Variants in SAMD11 observed in about 807,000 individuals in gnomAD.
SAMD11 encodes sterile alpha motif domain-containing protein 11.
In SAMD11, 77 loss-of-function variants were observed where a neutral mutation model predicts 64.4. That is an observed-to-expected ratio of 1.20 (90% CI 0.99 to 1.44). The LOEUF (loss-of-function observed/expected upper bound fraction) is 1.44, where lower values mean the gene tolerates loss of function less well. Ranked by LOEUF, SAMD11 falls within the 40% of genes most tolerant of loss-of-function variation. The pLI is 0.00. For missense variants in SAMD11, 1,402 were observed against 943.3 expected (o/e 1.49, Z -6.37); for synonymous variants, 658 against 421.9 (o/e 1.56, Z -6.86).
chr1:925,571 G>A (rs572756507), intron 1 of SAMD11, among the ~76,000 whole-genome samples: 3 of 152,256 alleles, frequency 2.0e-5, no homozygotes, highest in South Asian at 4.1e-4. Context: ...GCAGGCCGAG[G>A]GTCCCGACGG....
At chr1:938,454 G>A (rs1295966308) in intron 5 of SAMD11, among the ~76,000 whole-genome samples, 1 of 152,206 alleles carries the variant, frequency 6.6e-6, no homozygotes, top group Non-Finnish European at 1.5e-5. Context: ...GCTAGCTCAG[G>A]CAGGACTGGG....
chr1:944,154 G>C lies in SAMD11; in HGVS notation c.*1G>C. ...CGACCCTTCCCAGCCTCTGTGTTGA[G>C]GTTGCCGGGGGTAGGGGTGGGGCCA... On this transcript the variant is annotated 3_prime_UTR_variant, in exon 14 of 14. Transcript: ENST00000616016. The C allele has an allele frequency of 6.5e-7, 1 of 1,544,812 alleles. No individual in the cohort carries two copies. The highest frequency in any genetic ancestry group is 8.7e-7 in the Non-Finnish European group (1 of 1,144,310).
Position 943,953 on chromosome 1 carries a change from G to A in SAMD11, c.2335G>A (p.Val779Met), listed in dbSNP as rs996167495. Residue 779 changes from valine to methionine, a missense_variant, in exon 14 of 14, where the codon GTG becomes ATG. Coordinates refer to ENST00000616016, the MANE Select transcript of SAMD11 (RefSeq NM_001385641.1). ...GRVFYVASFPVALPLQPPTLR... is the reference protein window; with the variant it reads ...GRVFYVASFPMALPLQPPTLR... ...AGTTTTCTACGTGGCCAGCTTCCCC[G>A]TGGCTCTGCCACTGCAGCCACCAAC... 9.3e-6 allele frequency: 15 copies of A among 1,612,612 alleles called. No individual in the cohort carries two copies. Among genetic ancestry groups the A allele is most frequent in the Admixed American group, 5.0e-5 (3 of 60,000 alleles).
intron 8 of SAMD11, 27 bp from the exon 9 acceptor site, chr1:942,109 C>G (rs769637168): frequency 1.7e-5 from 12 of 721,246 alleles, no homozygotes; most frequent in African/African-American, 5.6e-5. Context: ...GCGGGGGGGA[C>G]GCCGCTCATT....
chr1:928,162 G>C (rs1368965158), intron 2 of SAMD11, among the ~76,000 whole-genome samples: 2 of 152,260 alleles, frequency 1.3e-5, no homozygotes, highest in Non-Finnish European at 2.9e-5. Flanking sequence ...GGGAGGCCGA[G>C]GCGGGCGGAT....
At chr1:943,185 C>T (rs548173587) in intron 11 of SAMD11, 68 bp from the exon 12 acceptor site, 803 of 1,605,622 alleles carry the variant, frequency 5.0e-4, no homozygotes, top group Non-Finnish European at 6.3e-4. Flanking sequence ...TTGGGGCACA[C>T]GACGGTCAGG....
At chr1:929,886 GGGATGCCCAACTGC>G (rs1641086655) in intron 2 of SAMD11, among the ~76,000 whole-genome samples, 1 of 152,304 alleles carries the variant, frequency 6.6e-6, no homozygotes, top group East Asian at 1.9e-4. Context: ...CGTCTGTAGG[GGGATGCCCAACTGC>G]GGCCCCGTCT....
At chr1:939,732 C>T (rs1054860346) in intron 7 of SAMD11, among the ~76,000 whole-genome samples, 2 of 152,176 alleles carry the variant, frequency 1.3e-5, no homozygotes, top group Non-Finnish European at 2.9e-5. Flanking sequence ...CAGCACCCCC[C>T]GAGGAGAGCA....
At position 936,351 on chromosome 1, in the gene SAMD11, C is replaced by T. The variant is rs550134676; in HGVS notation, c.967+455C>T. Among the ~76,000 whole-genome samples the T allele has an allele frequency of 3.2e-3, 440 of 136,702 alleles. 13 individuals are homozygous for T. The highest frequency in any genetic ancestry group is 0.013 in the African/African-American group (418 of 32,350). 89.7% of individuals were successfully genotyped at this position (136,702 alleles called of 152,430 possible). ...AGGGCTCCTGGACGGAAGGGGTCCCCGGTCCCGCCTCCTAGGGCTCCTGGA... is the reference window on the plus strand; with the variant it reads ...AGGGCTCCTGGACGGAAGGGGTCCCTGGTCCCGCCTCCTAGGGCTCCTGGA... On this transcript the variant is annotated intron_variant, in intron 5 of 13. Coordinates refer to ENST00000616016, the MANE Select transcript of SAMD11 (RefSeq NM_001385641.1).
In SAMD11 at chr1:930,292, C is replaced by T. The variant is rs1335979543; in HGVS notation, c.747C>T (p.Gly249=). Reference sequence around the variant, plus strand: ...GCCCCACCTGTGGGCGGCGGCCAGGCTTGAAGCAGGAGGATGGTCCGCACA... The same window carrying T: ...GCCCCACCTGTGGGCGGCGGCCAGGTTTGAAGCAGGAGGATGGTCCGCACA... The part of the protein sequence containing the change: ...GSGPTCGRRP[G]LKQEDGPHIR... The change falls in exon 3 of 14, where the codon GGC becomes GGT. Residue 249 remains glycine (G), a synonymous_variant. Coordinates refer to ENST00000616016, the MANE Select transcript of SAMD11 (RefSeq NM_001385641.1). 6.2e-7 allele frequency: 1 copy of T among 1,608,828 alleles called. No individual in the cohort carries two copies. Among genetic ancestry groups the T allele is most frequent in the Non-Finnish European group, 8.5e-7 (1 of 1,178,094 alleles).
rs1204490081 is a variant in SAMD11, at chr1:924,691, G to C, written c.260G>C (p.Arg87Thr). ...HEAAPHLHLP[R>T]DPLALERFSA... ...GCCGCCCCGCACCTCCACCTGCCCAGGGACCCGCTGGCCCTCGAGCGCTTC... is the reference window on the plus strand; with the variant it reads ...GCCGCCCCGCACCTCCACCTGCCCACGGACCCGCTGGCCCTCGAGCGCTTC... Residue 87 changes from arginine to threonine, a missense_variant, in exon 1 of 14, where the codon AGG (arginine) becomes ACG (threonine). Coordinates refer to ENST00000616016, the MANE Select transcript of SAMD11 (RefSeq NM_001385641.1). 1 of 152,018 alleles carries C rather than the reference G, an allele frequency of 6.6e-6. No homozygotes were observed. Among genetic ancestry groups the C allele is most frequent in the Non-Finnish European group, 1.5e-5 (1 of 68,030 alleles). 9.4% of individuals were successfully genotyped at this position (152,018 alleles called of 1,614,324 possible). A position where few individuals can be genotyped will look rare whatever the true frequency, so the allele number is the denominator to read the frequency against.
rs1020840285 is a variant in SAMD11, at chr1:942,740, C to G, written c.1735C>G (p.Pro579Ala). Residue 579 changes from proline to alanine, a missense_variant, in exon 11 of 14, where the codon CCG becomes GCG. Pro to Ala is a conservative substitution (Grantham distance 27). Coordinates refer to ENST00000616016, the MANE Select transcript of SAMD11 (RefSeq NM_001385641.1). ...PLLALPPQGP[P>A]GSGPPTPSRD... Reference sequence around the variant, plus strand: ...GCTGGCCCTGCCCCCCCAGGGGCCCCCGGGCTCCGGACCCCCCACCCCGTC... The same window carrying G: ...GCTGGCCCTGCCCCCCCAGGGGCCCGCGGGCTCCGGACCCCCCACCCCGTC... 1 of 1,484,382 alleles carries G rather than the reference C, an allele frequency of 6.7e-7. No individual in the cohort carries two copies. The highest frequency in any genetic ancestry group is 8.9e-7 in the Non-Finnish European group (1 of 1,125,600). 92.0% of individuals were successfully genotyped at this position (1,484,382 alleles called of 1,614,324 possible).
In SAMD11 at chr1:944,283, A is replaced by T; in HGVS notation, c.*130A>T. 1 of 1,428,788 alleles carries T rather than the reference A, an allele frequency of 7.0e-7. No homozygotes were observed. The highest frequency in any genetic ancestry group is 9.1e-7 in the Non-Finnish European group (1 of 1,093,882). 88.5% of individuals were successfully genotyped at this position (1,428,788 alleles called of 1,614,324 possible). On this transcript the variant is annotated 3_prime_UTR_variant, in exon 14 of 14. Transcript: ENST00000616016. ...ACAAAAAATTTTAAAAGAAAATGTGACTTCAAAGGAAAGGAACAAATTTTC... is the reference window on the plus strand; with the variant it reads ...ACAAAAAATTTTAAAAGAAAATGTGTCTTCAAAGGAAAGGAACAAATTTTC...
At chr1:931,150 C>A in intron 4 of SAMD11, 61 bp downstream of exon 4, 2 of 1,487,280 alleles carry the variant, frequency 1.3e-6, no homozygotes, top group Non-Finnish European at 1.9e-6. Context: ...CCCTCCCACC[C>A]CTGACCGTGC....
chr1:937,418 C>G (rs1429361375), intron 5 of SAMD11, among the ~76,000 whole-genome samples: 1 of 148,846 alleles, frequency 6.7e-6, no homozygotes. Flanking sequence ...ACCCAGTCAC[C>G]TCCCCCAGGC....
chr1:940,961 C>G, intron 7 of SAMD11, 183 bp from the exon 8 acceptor site: 7 of 535,024 alleles, frequency 1.3e-5, no homozygotes, highest in South Asian at 1.3e-4. Context: ...CGCCCAGCAT[C>G]TTGTCTGCCG....
intron 12 of SAMD11, 47 bp from the exon 13 acceptor site, chr1:943,651 G>A (rs765979868): frequency 3.2e-5 from 47 of 1,476,278 alleles, no homozygotes; most frequent in African/African-American, 1.6e-4. Flanking sequence ...TGGGCTGGAG[G>A]ATGGAGCAGC....
chr1:931,576 G>A (rs1321132884), intron 4 of SAMD11, among the ~76,000 whole-genome samples: 2 of 152,218 alleles, frequency 1.3e-5, no homozygotes, highest in Non-Finnish European at 2.9e-5. Context: ...GGGACGAGGA[G>A]TGAACCTGGC....
intron 2 of SAMD11, among the ~76,000 whole-genome samples, chr1:928,238 A>G (rs1347680495): frequency 2.6e-5 from 4 of 151,952 alleles, no homozygotes; most frequent in Non-Finnish European, 5.9e-5. Context: ...TAAAAATACA[A>G]AAAATTAGCC....
Sources: allele counts gnomAD v4.1 joint callset (sites outside exome capture counted in the v4.1 genomes callset), GRCh38; gene constraint gnomAD v4.1.1; transcripts MANE v1.5; gene names NCBI Gene and HGNC (gene_info 2026-07-23, HGNC 2026-07-21).